Variants in HAUS7 observed in about 807,000 individuals in gnomAD.
HAUS7 encodes HAUS augmin like complex subunit 7.
Under a neutral mutation model 28.4 loss-of-function variants are expected in HAUS7, and 3 were observed. The ratio of observed to expected loss-of-function variants is 0.11; its 90% confidence interval spans 0.05 to 0.27. The LOEUF is 0.27. Among genes scored for constraint, HAUS7 ranks in the 10% least tolerant of loss-of-function variants. HAUS7 has a pLI of 1.00. For synonymous variants in HAUS7, 165 were observed against 132.1 expected, an observed-to-expected ratio of 1.25 and a Z score of -1.71; for missense variants, 284 against 297.3, an observed-to-expected ratio of 0.96 and a Z score of 0.33.
chrX:153,488,846 G>C (rs1186974039), intron 1 of HAUS7, among the ~76,000 whole-genome samples: 1 of 113,263 alleles, frequency 8.8e-6, no homozygotes. Flanking sequence ...GATGAGGCAG[G>C]TGGGGAGGAG....
At chrX:153,461,291 G>C (rs1353384380) in intron 4 of HAUS7, among the ~76,000 whole-genome samples, 3 of 111,869 alleles carry the variant, frequency 2.7e-5, no homozygotes, top group African/African-American at 9.8e-5. Context: ...CTCAACCACA[G>C]GAGAGAAGAC....
chrX:153,457,478 T>G (rs2089329829), intron 4 of HAUS7, among the ~76,000 whole-genome samples: 1 of 113,123 alleles, frequency 8.8e-6, no homozygotes, highest in African/African-American at 3.2e-5. Context: ...TGCAGAAACA[T>G]ACAGGAGCAT....
At chrX:153,486,199 C>G in intron 1 of HAUS7, 1 of 585,647 alleles carries the variant, frequency 1.7e-6, no homozygotes, top group Non-Finnish European at 2.3e-6. Flanking sequence ...GCCCTGCCTT[C>G]TGGCTGGGCT....
chrX:153,457,768 G>A (rs2089334807), intron 4 of HAUS7, among the ~76,000 whole-genome samples: 1 of 113,168 alleles, frequency 8.8e-6, no homozygotes, highest in East Asian at 2.8e-4. Flanking sequence ...CGCCGGAAAG[G>A]TGAGTGAGAT....
intron 1 of HAUS7, chrX:153,480,552 C>A: frequency 1.3e-6 from 1 of 753,076 alleles, no homozygotes; most frequent in Non-Finnish European, 1.6e-6. Flanking sequence ...GAGGCAAGGC[C>A]CCCAGCCCAC....
intron 4 of HAUS7, chrX:153,461,995 C>T (rs185194204): frequency 6.0e-6 from 3 of 500,353 alleles, no homozygotes; most frequent in Admixed American, 7.1e-5. Flanking sequence ...AGCTGTAGCC[C>T]AACCACCTTG....
At chrX:153,475,023 CG>C (rs2089553896), upstream of HAUS7, among the ~76,000 whole-genome samples, 1 of 112,062 alleles carries the variant, frequency 8.9e-6, no homozygotes, top group African/African-American at 3.2e-5. Flanking sequence ...AGGGGGCGCC[CG>C]CCTCGCCTTC....
At chrX:153,470,278 G>C in intron 1 of HAUS7, among the ~76,000 whole-genome samples, 172 bp downstream of exon 1, 1 of 113,522 alleles carries the variant, frequency 8.8e-6, no homozygotes, top group Non-Finnish European at 1.9e-5. Flanking sequence ...GCACACCAAA[G>C]GGCAAAGATG....
chrX:153,491,318 T>C (rs2089669753), intron 1 of HAUS7, among the ~76,000 whole-genome samples: 1 of 112,480 alleles, frequency 8.9e-6, no homozygotes, highest in South Asian at 3.7e-4. Flanking sequence ...CAGCCTGCCC[T>C]CTGGGCGCCC....
intron 9 of HAUS7, 53 bp from the exon 10 acceptor site, chrX:153,447,962 C>A (rs782507809): frequency 2.5e-4 from 250 of 1,003,676 alleles, no homozygotes; most frequent in Middle Eastern, 2.1e-3. Context: ...AAACTAGTTC[C>A]ACCATTGTGG....
chrX:153,480,434 C>T (rs961647573), intron 1 of HAUS7: 4 of 255,563 alleles, frequency 1.6e-5, no homozygotes, highest in East Asian at 2.3e-4. Context: ...ACACTCTGTT[C>T]TCTCGCCAGT....
At chrX:153,492,718 CT>C (rs199940027) in intron 1 of HAUS7, among the ~76,000 whole-genome samples, 2,426 of 111,192 alleles carry the variant, frequency 0.022, 62 homozygotes, top group African/African-American at 0.076. Flanking sequence ...CCTGGCTCCC[CT>C]GTGTCTCCCC....
intron 4 of HAUS7, chrX:153,461,511 AAAAC>A (rs1556983361): frequency 9.0e-6 from 1 of 111,325 alleles, no homozygotes; most frequent in African/African-American, 3.3e-5. Context: ...ATTAAGAAAA[AAAAC>A]AAAACAAAAC....
chrX:153,464,019 C>T (rs1374938543), intron 3 of HAUS7, among the ~76,000 whole-genome samples: 5 of 112,816 alleles, frequency 4.4e-5, no homozygotes, highest in African/African-American at 6.4e-5. Flanking sequence ...AGGAACAGCG[C>T]CTCGCATGTG....
chrX:153,464,978 T>G lies in HAUS7; in HGVS notation c.292+10A>C. On this transcript the variant is annotated intron_variant, in intron 3 of 9. Transcript: ENST00000370211. ...TGGACAAGCTCAGAATGGACCAAGA[T>G]TCCACCTACCTTGGATCTTCACCTC... 8.6e-7 allele frequency: 1 copy of G among 1,161,553 alleles called. No homozygotes were observed. The highest frequency in any genetic ancestry group is 1.2e-6 in the Non-Finnish European group (1 of 849,727).
rs371637396 is a variant in HAUS7 at position 153,454,511 on chromosome X, G to GGGGA, written c.931-7_931-4dup. 6.1e-3 allele frequency: 3,449 copies of GGGGA among 568,718 alleles called. 21 individuals are homozygous for GGGGA. Among genetic ancestry groups the GGGGA allele is most frequent in the African/African-American group, 0.023 (794 of 34,024 alleles). 46.9% of individuals were successfully genotyped at this position (568,718 alleles called of 1,213,427 possible). On this transcript the variant is annotated splice_region_variant and splice_polypyrimidine_tract_variant and intron_variant, in intron 8 of 9. Coordinates refer to ENST00000370211, the MANE Select transcript of HAUS7 (RefSeq NM_001385482.1). ...ACTGCCATGACCACTTGCAGCAGCT[G>GGGGA]GGGAGGGAGGGAGGGAGGGAGGGAG...
intron 3 of HAUS7, 135 bp downstream of exon 3, chrX:153,464,853 T>G: frequency 2.0e-6 from 1 of 502,000 alleles, no homozygotes; most frequent in Non-Finnish European, 3.6e-6. Flanking sequence ...TAGGGAAGGG[T>G]GGGGTTCAAG....
chrX:153,487,927 G>C (rs2089648831), intron 1 of HAUS7, among the ~76,000 whole-genome samples: 1 of 112,930 alleles, frequency 8.9e-6, no homozygotes, highest in South Asian at 3.6e-4. Context: ...GAGTGAGGGG[G>C]CCCCTGGGAA....
intron 4 of HAUS7, among the ~76,000 whole-genome samples, chrX:153,459,651 G>A (rs896366833): frequency 5.4e-5 from 6 of 111,710 alleles, no homozygotes; most frequent in Non-Finnish European, 3.8e-5. Context: ...CATTACAGCC[G>A]GGGTGTCATA....
Sources: allele counts gnomAD v4.1 joint callset (sites outside exome capture counted in the v4.1 genomes callset), GRCh38; gene constraint gnomAD v4.1.1; transcripts MANE v1.5; gene names NCBI Gene and HGNC (gene_info 2026-07-23, HGNC 2026-07-21).